The following RHAG variants were observed in gnomAD, a reference collection of about 807,000 sequenced individuals.
RHAG encodes ammonium transporter Rh type A.
Under a neutral mutation model 42.4 loss-of-function variants are expected in RHAG, and 25 were observed. The observed-to-expected ratio is 0.59, with a 90% CI of 0.43 to 0.82. The LOEUF is 0.82. RHAG is among the 40% of genes least tolerant of loss of function. The pLI, the probability that RHAG is intolerant of heterozygous loss-of-function variation, is 0.00. For missense variants in RHAG, 483 were observed against 504.6 expected, an observed-to-expected ratio of 0.96 and a Z score of 0.41; for synonymous variants, 182 against 177.7, an observed-to-expected ratio of 1.02 and a Z score of -0.19.
intron 6 of RHAG, among the ~76,000 whole-genome samples, chr6:49,611,616 A>C (rs558480057): frequency 1.3e-5 from 2 of 152,338 alleles, no homozygotes; most frequent in South Asian, 4.1e-4. Context: ...AGTCCACTTA[A>C]AGTTAAAGGA....
rs543897378 is a variant in RHAG at position 49,634,932 on chromosome 6, AT to A, written c.157+1723del. ...TAGTTAACACATTCATTACCTCTAC[AT>A]TGTTATTATTGTGTGTGTACACCTG... On this transcript the variant is annotated intron_variant, in intron 1 of 9. Coordinates refer to ENST00000371175, the MANE Select transcript of RHAG (RefSeq NM_000324.3). Among the ~76,000 whole-genome samples the A allele has an allele frequency of 2.9e-3, 374 of 128,646 alleles. 1 individual carries two copies. Among genetic ancestry groups the A allele is most frequent in the African/African-American group, 0.011 (362 of 33,182 alleles). 84.4% of individuals were successfully genotyped at this position (128,646 alleles called of 152,430 possible).
intron 1 of RHAG, among the ~76,000 whole-genome samples, chr6:49,621,847 T>C (rs1449605086): frequency 6.6e-6 from 1 of 152,222 alleles, no homozygotes; most frequent in Non-Finnish European, 1.5e-5. Flanking sequence ...ATTTATTTTA[T>C]TTTGCATTTA....
rs2127348949 is a variant in RHAG, at chr6:49,605,821, T to C, written c.1222A>G (p.Thr408Ala). 1.9e-6 allele frequency: 3 copies of C among 1,613,322 alleles called. No individual in the cohort carries two copies. The highest frequency in any genetic ancestry group is 2.5e-6 in the Non-Finnish European group (3 of 1,179,340). Residue 408 changes from threonine (T) to alanine (A), a missense_variant, in exon 10 of 10, where the codon ACG (threonine) becomes GCG (alanine). By Grantham distance (58) the Thr-to-Ala change is moderately conservative (BLOSUM62 0). Transcript: ENST00000371175. ...TGGAACTGATTGTCAAGTTATCTCG[T>C]CTTAGGGACCTTTAAAAAAACAAGT... ...DDSVYWKVPK[T>A]R
chr6:49,619,442 A>G lies in RHAG; in HGVS notation c.158-80T>C, dbSNP rs1260485479. The G allele has an allele frequency of 4.8e-6, 6 of 1,253,190 alleles. No individual in the cohort carries two copies. In the African/African-American group the frequency reaches 7.4e-5, roughly 15 times the overall value. The allele number at this position is 1,253,190 out of a possible 1,614,324, so 77.6% of individuals were successfully genotyped here. ...TGCATCATAGTATACCCCACTTATT[A>G]AGTGCTACCACCTTTGTATAACACA... On this transcript the variant is annotated intron_variant, in intron 1 of 9. Coordinates refer to ENST00000371175, the MANE Select transcript of RHAG (RefSeq NM_000324.3).
chr6:49,620,022 A>G (rs1237725305), intron 1 of RHAG, among the ~76,000 whole-genome samples: 1 of 152,222 alleles, frequency 6.6e-6, no homozygotes, highest in Non-Finnish European at 1.5e-5. Context: ...TTACCAGATC[A>G]TTATTTGGGT....
chr6:49,634,664 C>G (rs1762980814), intron 1 of RHAG, among the ~76,000 whole-genome samples: 1 of 151,876 alleles, frequency 6.6e-6, no homozygotes, highest in Admixed American at 6.6e-5. Context: ...TGCCTACAAG[C>G]TTGAGAGAGT....
chr6:49,624,566 A>C (rs1370506109), intron 1 of RHAG, among the ~76,000 whole-genome samples: 1 of 152,224 alleles, frequency 6.6e-6, no homozygotes, highest in Admixed American at 6.5e-5. Context: ...TATGCTAGCT[A>C]GTAGTTTATA....
intron 5 of RHAG, among the ~76,000 whole-genome samples, chr6:49,613,930 T>C (rs1156586909): frequency 6.6e-6 from 1 of 152,200 alleles, no homozygotes; most frequent in African/African-American, 2.4e-5. Flanking sequence ...AGATCCCACA[T>C]TGCATTTAGT....
At chr6:49,615,209 C>CAA (rs1762633428) in intron 4 of RHAG, 1 of 295,844 alleles carries the variant, frequency 3.4e-6, no homozygotes, top group Non-Finnish European at 6.5e-6. Flanking sequence ...CTCGGCCTCC[C>CAA]AAAGTGCTGG....
intron 1 of RHAG, among the ~76,000 whole-genome samples, chr6:49,635,231 G>A (rs1322431032): frequency 6.6e-6 from 1 of 151,672 alleles, no homozygotes; most frequent in Non-Finnish European, 1.5e-5. Context: ...CTTTGATGCT[G>A]GGACTTAGAA....
intron 1 of RHAG, among the ~76,000 whole-genome samples, chr6:49,629,021 T>C (rs1762890512): frequency 6.6e-6 from 1 of 152,150 alleles, no homozygotes; most frequent in Non-Finnish European, 1.5e-5. Context: ...AGTGGTGCGT[T>C]TTGACAGGGT....
Position 49,636,808 on chromosome 6 carries a change from C to T in RHAG, c.5G>A (p.Arg2Lys), listed in dbSNP as rs1196473912. ...TATAGCCATGAGAGGGAATGTGAAC[C>T]TCATGTTTGTGGCAAAGGACAGAGG... The part of the protein sequence containing the change: M[R>K]FTFPLMAIVL... The change falls in exon 1 of 10, where the codon AGG becomes AAG. Residue 2 changes from arginine to lysine, a missense_variant. Arg to Lys is a conservative substitution (Grantham distance 26). Coordinates refer to ENST00000371175, the MANE Select transcript of RHAG (RefSeq NM_000324.3). 1.2e-6 allele frequency: 2 copies of T among 1,613,696 alleles called. No homozygotes were observed. Among genetic ancestry groups the T allele is most frequent in the South Asian group, 2.2e-5 (2 of 91,080 alleles).
intron 9 of RHAG, 131 bp from the exon 10 acceptor site, chr6:49,605,961 G>T: frequency 1.3e-6 from 1 of 793,590 alleles, no homozygotes; most frequent in South Asian, 1.4e-5. Context: ...AAAATTGTTT[G>T]AGTTGAAGAA....
intron 1 of RHAG, among the ~76,000 whole-genome samples, chr6:49,626,998 G>T (rs1320165022): frequency 1.3e-5 from 2 of 152,250 alleles, no homozygotes; most frequent in African/African-American, 4.8e-5. Context: ...GAGCAGGGAA[G>T]CCCTGGGCCT....
chr6:49,628,153 CACACACACAGAG>C (rs1486669142), intron 1 of RHAG, among the ~76,000 whole-genome samples: 1 of 129,892 alleles, frequency 7.7e-6, no homozygotes, highest in African/African-American at 3.1e-5. Context: ...CACACACACA[CACACACACAGAG>C]AGAGAGAGAG....
chr6:49,618,039 T>A, intron 3 of RHAG, 29 bp downstream of exon 3: 1 of 1,607,998 alleles, frequency 6.2e-7, no homozygotes, highest in South Asian at 1.1e-5. Context: ...TGCCCAAAGC[T>A]AGGAAAGTAT....
intron 1 of RHAG, among the ~76,000 whole-genome samples, chr6:49,623,353 A>C (rs1762794955): frequency 6.6e-6 from 1 of 152,350 alleles, no homozygotes; most frequent in African/African-American, 2.4e-5. Context: ...TTTATAAACA[A>C]CTAGGATTAT....
Position 49,612,500 on chromosome 6 carries a change from A to G in RHAG, c.842T>C (p.Val281Ala), listed in dbSNP as rs1402117392. The G allele has an allele frequency of 6.2e-7, 1 of 1,613,942 alleles. No homozygotes were observed. The highest frequency in any genetic ancestry group is 8.5e-7 in the Non-Finnish European group (1 of 1,180,010). Residue 281 changes from valine to alanine, a missense_variant, in exon 6 of 10, where the codon GTT becomes GCT. Physicochemically the swap from Val to Ala is moderately conservative, Grantham distance 64. Coordinates refer to ENST00000371175, the MANE Select transcript of RHAG (RefSeq NM_000324.3). ...CATATCCGCACAAGTGCCCACAGCA[A>G]CTCCTCCAGCAAGGGTGGCATTCTG... is the stretch of plus-strand genomic sequence containing the variant. ...HIQNATLAGG[V>A]AVGTCADMAI...
At chr6:49,613,427 T>C (rs917237627) in intron 5 of RHAG, among the ~76,000 whole-genome samples, 1 of 152,180 alleles carries the variant, frequency 6.6e-6, no homozygotes, top group African/African-American at 2.4e-5. Context: ...GGCTATTCTG[T>C]CTGAGAAGCA....
Sources: allele counts gnomAD v4.1 joint callset (sites outside exome capture counted in the v4.1 genomes callset), GRCh38; gene constraint gnomAD v4.1.1; transcripts MANE v1.5; gene names NCBI Gene and HGNC (gene_info 2026-07-23, HGNC 2026-07-21).